Variants in VWC2 observed in about 807,000 individuals in gnomAD.
The protein encoded by VWC2 is brorin.
A neutral mutation model predicts 29.8 loss-of-function variants in VWC2; 14 were observed. That is an observed-to-expected ratio of 0.47 (90% confidence interval 0.31 to 0.74). The LOEUF is 0.74. VWC2 is among the 30% of genes least tolerant of loss of function. The pLI is 0.05. For synonymous variants in VWC2, 213 were observed against 199.0 expected (o/e 1.07, Z -0.59); for missense variants, 457 against 459.8 (o/e 0.99, Z 0.05).
chr7:49,783,956 A>G (rs900567368), intron 2 of VWC2, among the ~76,000 whole-genome samples: 2 of 152,212 alleles, frequency 1.3e-5, no homozygotes, highest in Non-Finnish European at 2.9e-5. Context: ...GTGGCTCTGC[A>G]CATTTCCAAG....
intron 3 of VWC2, among the ~76,000 whole-genome samples, chr7:49,834,157 C>A (rs1427349091): frequency 6.6e-6 from 1 of 152,184 alleles, no homozygotes; most frequent in African/African-American, 2.4e-5. Flanking sequence ...TTTTCCACCA[C>A]AATACTCTCT....
intron 3 of VWC2, among the ~76,000 whole-genome samples, chr7:49,859,002 A>G (rs554545474): frequency 2.4e-4 from 37 of 152,292 alleles, no homozygotes; most frequent in African/African-American, 8.9e-4. Context: ...CTTGCTAGAC[A>G]TTACTGTTGC....
chr7:49,831,810 A>T (rs1366694022), intron 3 of VWC2, among the ~76,000 whole-genome samples: 1 of 152,228 alleles, frequency 6.6e-6, no homozygotes, highest in African/African-American at 2.4e-5. Flanking sequence ...GATTTTTACA[A>T]TAATAAAAGA....
At chr7:49,881,955 G>T (rs1791684102) in intron 3 of VWC2, among the ~76,000 whole-genome samples, 1 of 151,376 alleles carries the variant, frequency 6.6e-6, no homozygotes, top group Non-Finnish European at 1.5e-5. Context: ...AATTTGTCTT[G>T]AAAATAAATT....
chr7:49,884,360 C>A (rs986202841), intron 3 of VWC2, among the ~76,000 whole-genome samples: 1 of 152,186 alleles, frequency 6.6e-6, no homozygotes, highest in Non-Finnish European at 1.5e-5. Flanking sequence ...AGGCTTTAAC[C>A]GGGTGCTACA....
intron 3 of VWC2, among the ~76,000 whole-genome samples, chr7:49,830,779 T>G (rs1341215076): frequency 1.3e-5 from 2 of 152,192 alleles, no homozygotes; most frequent in Admixed American, 6.5e-5. Context: ...TTTGGTTTTT[T>G]GTCCTTGCGA....
In VWC2 at chr7:49,877,477, A is replaced by AT. The variant is rs1328874623; in HGVS notation, c.827-34557_827-34556insT. ...AACTCTGTCTCAAAAAAAAAAAAAA[A>AT]AAAAATATATATATATATATATATA... On this transcript the variant is annotated intron_variant, in intron 3 of 3. Coordinates refer to ENST00000340652, the MANE Select transcript of VWC2 (RefSeq NM_198570.5). 4.2e-3 allele frequency among the ~76,000 whole-genome samples: 72 copies of AT among 17,278 alleles called. 11 individuals carry two copies. The highest frequency in any genetic ancestry group is 5.8e-3 in the Non-Finnish European group (53 of 9,196). The allele number at this position is 17,278 out of a possible 152,430, so 11.3% of individuals were successfully genotyped here. A position where few individuals can be genotyped will look rare whatever the true frequency, so the allele number is the denominator to read the frequency against.
chr7:49,859,409 A>C (rs771023848), intron 3 of VWC2, among the ~76,000 whole-genome samples: 1 of 152,080 alleles, frequency 6.6e-6, no homozygotes, highest in Non-Finnish European at 1.5e-5. Flanking sequence ...AAATTCTTTA[A>C]ATTTTGCTTA....
At chr7:49,781,981 T>G (rs1447411951) in intron 2 of VWC2, among the ~76,000 whole-genome samples, 1 of 152,182 alleles carries the variant, frequency 6.6e-6, no homozygotes, top group Non-Finnish European at 1.5e-5. Flanking sequence ...CCAGGGATTA[T>G]CAGACCCATG....
At position 49,915,446 on chromosome 7, in the gene VWC2, T is replaced by C. The variant is rs1483513302; in HGVS notation, c.*3261T>C. 6.6e-6 allele frequency: 1 copy of C among 152,242 alleles called. No homozygotes were observed. Among genetic ancestry groups the C allele is most frequent in the African/African-American group, 2.4e-5 (1 of 41,478 alleles). 9.4% of individuals were successfully genotyped at this position (152,242 alleles called of 1,614,324 possible). On this transcript the variant is annotated 3_prime_UTR_variant, in exon 4 of 4. Coordinates refer to ENST00000340652, the MANE Select transcript of VWC2 (RefSeq NM_198570.5). The stretch of plus-strand genomic sequence containing the variant: ...ATCATGCAGTTTTAAGTTCATAACA[T>C]CAATAATATGTTTAATAAACTTTCT...
Position 49,818,197 on chromosome 7 carries a change from TC to T in VWC2, c.826+15359del, listed in dbSNP as rs200531081. Among the ~76,000 whole-genome samples the T allele has an allele frequency of 0.012, 1,771 of 152,314 alleles. 54 individuals carry two copies. In the South Asian group the frequency reaches 0.12, roughly 10 times the overall value. ...AGAAAAATTTTCTAGTCATTAGAAT[TC>T]CTATTACTTAAGTATTCAGAGGATG... is the stretch of plus-strand genomic sequence containing the variant. On this transcript the variant is annotated intron_variant, in intron 3 of 3. Transcript: ENST00000340652.
At chr7:49,837,858 T>C (rs1054955296) in intron 3 of VWC2, among the ~76,000 whole-genome samples, 5 of 152,230 alleles carry the variant, frequency 3.3e-5, no homozygotes, top group Non-Finnish European at 7.3e-5. Context: ...ATTTATTTCT[T>C]ATTTTGAGAC....
chr7:49,779,049 G>GAC (rs1246222084), intron 2 of VWC2, among the ~76,000 whole-genome samples: 1 of 141,740 alleles, frequency 7.1e-6, no homozygotes, highest in Admixed American at 6.9e-5. Context: ...GAGAGAGAGA[G>GAC]AGAGAGAGAG....
chr7:49,893,186 G>A (rs1251833143), intron 3 of VWC2, among the ~76,000 whole-genome samples: 2 of 152,122 alleles, frequency 1.3e-5, no homozygotes, highest in Non-Finnish European at 2.9e-5. Flanking sequence ...TGGAGACTGG[G>A]TGGCATATGA....
intron 3 of VWC2, among the ~76,000 whole-genome samples, chr7:49,837,930 G>T (rs1342661073): frequency 1.3e-5 from 2 of 152,132 alleles, no homozygotes; most frequent in Admixed American, 1.3e-4. Context: ...AATCCTTACA[G>T]AAAATACAAA....
chr7:49,799,475 C>T (rs1788684329), intron 2 of VWC2, among the ~76,000 whole-genome samples: 1 of 152,246 alleles, frequency 6.6e-6, no homozygotes, highest in African/African-American at 2.4e-5. Flanking sequence ...AGCTTTGCCA[C>T]TTGCTGTCAC....
At chr7:49,874,110 C>A (rs1791295181) in intron 3 of VWC2, among the ~76,000 whole-genome samples, 2 of 151,988 alleles carry the variant, frequency 1.3e-5, no homozygotes, top group South Asian at 4.2e-4. Flanking sequence ...AGTTGGTGGG[C>A]AAAGGATGCC....
chr7:49,813,771 T>C (rs188351656), intron 3 of VWC2, among the ~76,000 whole-genome samples: 1 of 152,214 alleles, frequency 6.6e-6, no homozygotes, highest in East Asian at 1.9e-4. Context: ...TCAGAAAGGT[T>C]TTATACAAAA....
At chr7:49,823,889 G>A (rs1583652283) in intron 3 of VWC2, among the ~76,000 whole-genome samples, 1 of 152,146 alleles carries the variant, frequency 6.6e-6, no homozygotes, top group East Asian at 1.9e-4. Context: ...CCATTTTTAT[G>A]TCCTATTTTT....
Sources: allele counts gnomAD v4.1 joint callset (sites outside exome capture counted in the v4.1 genomes callset), GRCh38; gene constraint gnomAD v4.1.1; transcripts MANE v1.5; gene names NCBI Gene and HGNC (gene_info 2026-07-23, HGNC 2026-07-21).